Variants in PRKN observed in about 807,000 individuals in gnomAD.
PRKN encodes the protein E3 ubiquitin-protein ligase parkin.
Under a neutral mutation model 59.5 loss-of-function variants are expected in PRKN, and 56 were observed. The observed-to-expected ratio is 0.94, with a 90% CI of 0.76 to 1.18. PRKN has a LOEUF of 1.18. Ranked by LOEUF, PRKN falls within the 50% of genes most tolerant of loss-of-function variation. The pLI is 0.00. For synonymous variants in PRKN, 250 were observed against 222.1 expected (o/e 1.13, Z -1.12); for missense variants, 657 against 596.4 (o/e 1.10, Z -1.06).
intron 7 of PRKN, among the ~76,000 whole-genome samples, chr6:161,779,689 T>C (rs1790122287): frequency 6.6e-6 from 1 of 152,060 alleles, no homozygotes; most frequent in Non-Finnish European, 1.5e-5. Context: ...GTGATCTGCC[T>C]ACCTCGTCCT....
At chr6:161,799,081 C>T (rs1790973298) in intron 6 of PRKN, among the ~76,000 whole-genome samples, 1 of 152,194 alleles carries the variant, frequency 6.6e-6, no homozygotes, top group Non-Finnish European at 1.5e-5. Flanking sequence ...ACATATTACT[C>T]GTGGCTGCTT....
chr6:161,746,055 C>T lies in PRKN; in HGVS notation c.871+39717G>A, dbSNP rs929338005. ...CAAAATGCTCACATTCGTTAGGAAC[C>T]TCCTATGATCCAGGCAGGTTTGTGG... is the stretch of plus-strand genomic sequence containing the variant. On this transcript the variant is annotated intron_variant, in intron 7 of 11. Transcript: ENST00000366898. Among the ~76,000 whole-genome samples the T allele has an allele frequency of 2.0e-5, 3 of 152,176 alleles. No individual in the cohort carries two copies. In the East Asian group the frequency reaches 5.8e-4, roughly 29 times the overall value.
chr6:161,625,437 T>C (rs1783049985), intron 7 of PRKN, among the ~76,000 whole-genome samples: 2 of 151,962 alleles, frequency 1.3e-5, no homozygotes, highest in East Asian at 3.9e-4. Flanking sequence ...GGGGGAGGGA[T>C]GGCATTAGGA....
At chr6:162,640,123 C>T (rs889686103) in intron 1 of PRKN, among the ~76,000 whole-genome samples, 2 of 152,072 alleles carry the variant, frequency 1.3e-5, no homozygotes, top group African/African-American at 4.8e-5. Context: ...AGCTGATGCT[C>T]TGTAAGCCAA....
At chr6:161,757,202 C>A (rs1788963686) in intron 7 of PRKN, among the ~76,000 whole-genome samples, 1 of 152,078 alleles carries the variant, frequency 6.6e-6, no homozygotes, top group Non-Finnish European at 1.5e-5. Flanking sequence ...CTACATAAAG[C>A]ACAATCCATA....
In PRKN at chr6:161,550,188, G is replaced by C. The variant is rs151241543; in HGVS notation, c.934-1185C>G. On this transcript the variant is annotated intron_variant, in intron 8 of 11. Coordinates refer to ENST00000366898, the MANE Select transcript of PRKN (RefSeq NM_004562.3). This position sits in a 1 kb window ranked among gnomAD's most constrained non-coding sequence, Gnocchi z 4.0. ...GTTGGCTGTTCAGGGTACAACAAGG[G>C]GGGCAGTGGGGCGGAGGCAGAGAGA... is the stretch of plus-strand genomic sequence containing the variant. 2.3e-3 allele frequency among the ~76,000 whole-genome samples: 347 copies of C among 152,282 alleles called. No individual in the cohort carries two copies. Among genetic ancestry groups the C allele is most frequent in the African/African-American group, 7.7e-3 (320 of 41,558 alleles).
chr6:161,965,489 A>G (rs904347742), intron 6 of PRKN, among the ~76,000 whole-genome samples: 1 of 152,042 alleles, frequency 6.6e-6, no homozygotes, highest in Non-Finnish European at 1.5e-5. Context: ...TAACATACAG[A>G]GATTCACTAG....
intron 2 of PRKN, among the ~76,000 whole-genome samples, chr6:162,295,892 A>T (rs114852856): frequency 0.028 from 4,250 of 152,218 alleles, 189 homozygotes; most frequent in African/African-American, 0.092. Flanking sequence ...TGTGACAAGG[A>T]GCATTGTTAA....
intron 9 of PRKN, among the ~76,000 whole-genome samples, chr6:161,528,185 C>T (rs1395930773): frequency 6.6e-6 from 1 of 152,138 alleles, no homozygotes; most frequent in Non-Finnish European, 1.5e-5. Context: ...CATATTGAGA[C>T]AGGATTTTAT....
intron 1 of PRKN, among the ~76,000 whole-genome samples, chr6:162,670,204 G>C (rs1174959672): frequency 6.6e-6 from 1 of 152,154 alleles, no homozygotes; most frequent in Non-Finnish European, 1.5e-5. Flanking sequence ...CAGGGAGATA[G>C]AAAACATTTA....
intron 7 of PRKN, among the ~76,000 whole-genome samples, chr6:161,631,968 C>T (rs780985483): frequency 3.9e-5 from 6 of 152,152 alleles, no homozygotes; most frequent in Non-Finnish European, 8.8e-5. Context: ...AAGTCGTTAA[C>T]TATTTCTTGT....
chr6:161,840,520 G>A (rs1469859993), intron 6 of PRKN, among the ~76,000 whole-genome samples: 1 of 152,182 alleles, frequency 6.6e-6, no homozygotes, highest in Admixed American at 6.5e-5. Flanking sequence ...GGTCATGGGG[G>A]TTTGTTGTAC....
intron 1 of PRKN, among the ~76,000 whole-genome samples, chr6:162,578,415 G>A (rs569526313): frequency 1.2e-4 from 18 of 152,198 alleles, no homozygotes; most frequent in South Asian, 1.0e-3. Context: ...GTCTGGGGCC[G>A]GGCATGTGAA....
At chr6:162,536,194 A>G (rs1778709469) in intron 1 of PRKN, among the ~76,000 whole-genome samples, 1 of 152,168 alleles carries the variant, frequency 6.6e-6, no homozygotes, top group African/African-American at 2.4e-5. Flanking sequence ...CTAACAAACT[A>G]TAATGAACTA....
chr6:161,402,618 A>G lies in PRKN; in HGVS notation c.1084-15741T>C, dbSNP rs1198495754. On this transcript the variant is annotated intron_variant, in intron 9 of 11. Coordinates refer to ENST00000366898, the MANE Select transcript of PRKN (RefSeq NM_004562.3). This position sits in a 1 kb window ranked among gnomAD's most constrained non-coding sequence, Gnocchi z 4.5. ...ATATAAACAGATTAACAGGAGAAAG[A>G]GCATATTCAATTCTGTACACATGAG... Among the ~76,000 whole-genome samples, 1 of 152,076 alleles carries G rather than the reference A, an allele frequency of 6.6e-6. No homozygotes were observed. Among genetic ancestry groups the G allele is most frequent in the Non-Finnish European group, 1.5e-5 (1 of 68,024 alleles).
chr6:162,487,254 GGTTGTTA>G (rs1391556974), intron 1 of PRKN, among the ~76,000 whole-genome samples: 1 of 152,160 alleles, frequency 6.6e-6, no homozygotes, highest in Non-Finnish European at 1.5e-5. Context: ...CTTATGGAGT[GGTTGTTA>G]GTTGACTTTG....
rs1222492049 is a variant in PRKN at position 161,503,758 on chromosome 6, C to T, written c.1083+45096G>A. ...AGGTTGTAAACATCACTCACTGCAC[C>T]ACAGGGTGGCCGTGACACAAAGTCA... On this transcript the variant is annotated intron_variant, in intron 9 of 11. Coordinates refer to ENST00000366898, the MANE Select transcript of PRKN (RefSeq NM_004562.3). This position sits in a 1 kb window ranked among gnomAD's most constrained non-coding sequence, Gnocchi z 5.1. Among the ~76,000 whole-genome samples, 1 of 152,186 alleles carries T rather than the reference C, an allele frequency of 6.6e-6. No individual in the cohort carries two copies. Among genetic ancestry groups the T allele is most frequent in the Admixed American group, 6.5e-5 (1 of 15,282 alleles).
rs1230409366 is a variant in PRKN, at chr6:161,471,557, C to T, written c.1083+77297G>A. Among the ~76,000 whole-genome samples the T allele has an allele frequency of 6.6e-6, 1 of 152,044 alleles. No homozygotes were observed. Among genetic ancestry groups the T allele is most frequent in the African/African-American group, 2.4e-5 (1 of 41,398 alleles). On this transcript the variant is annotated intron_variant, in intron 9 of 11. Coordinates refer to ENST00000366898, the MANE Select transcript of PRKN (RefSeq NM_004562.3). This position sits in a 1 kb window ranked among gnomAD's most constrained non-coding sequence, Gnocchi z 4.5. ...GTATCCTCTTAGGCACTTTCATTAA[C>T]AACTTGAAAATAGACCTTGACAGAA...
intron 1 of PRKN, among the ~76,000 whole-genome samples, chr6:162,587,698 C>A (rs1781120393): frequency 6.6e-6 from 1 of 151,952 alleles, no homozygotes; most frequent in African/African-American, 2.4e-5. Context: ...TAAATATAAG[C>A]ATAATAGACT....
Sources: allele counts gnomAD v4.1 joint callset (sites outside exome capture counted in the v4.1 genomes callset), GRCh38; gene constraint gnomAD v4.1.1; non-coding constraint Gnocchi (gnomAD v3.1); transcripts MANE v1.5; gene names NCBI Gene and HGNC (gene_info 2026-07-23, HGNC 2026-07-21).